The following STAM2 variants were observed in gnomAD, a reference collection of about 807,000 sequenced individuals.
STAM2 encodes signal transducing adapter molecule 2.
STAM2 carries 51 observed loss-of-function variants against 65.6 expected under a neutral mutation model. That is an observed-to-expected ratio of 0.78 (90% confidence interval 0.62 to 0.98). The LOEUF (loss-of-function observed/expected upper bound fraction) is 0.98. STAM2 is among the 50% of genes least tolerant of loss of function. STAM2 has a pLI of 0.00. For synonymous variants in STAM2, 198 were observed against 208.4 expected, an observed-to-expected ratio of 0.95 and a Z score of 0.43; for missense variants, 584 against 617.8, an observed-to-expected ratio of 0.95 and a Z score of 0.58.
Position 152,120,511 on chromosome 2 carries a change from T to G in STAM2, c.*63A>C. Reference sequence around the variant, plus strand: ...GGAAAAAAGTTTTAATATTTTCAGGTTGGTATCACAAGGACTGAATAATAC... The same window carrying G: ...GGAAAAAAGTTTTAATATTTTCAGGGTGGTATCACAAGGACTGAATAATAC... On this transcript the variant is annotated 3_prime_UTR_variant, in exon 14 of 14. Coordinates refer to ENST00000263904, the MANE Select transcript of STAM2 (RefSeq NM_005843.6). 2.1e-6 allele frequency: 3 copies of G among 1,403,000 alleles called. No homozygotes were observed. The Admixed American group carries it at 5.7e-5, about 27-fold the overall frequency. The allele number at this position is 1,403,000 out of a possible 1,614,324, so 86.9% of individuals were successfully genotyped here. A position where few individuals can be genotyped will look rare whatever the true frequency, so the allele number is the denominator to read the frequency against.
chr2:152,170,440 G>A (rs572890076), intron 1 of STAM2, among the ~76,000 whole-genome samples: 16 of 147,932 alleles, frequency 1.1e-4, no homozygotes, highest in East Asian at 2.0e-4. Flanking sequence ...CTGAGATCGC[G>A]CCACTGCACT....
At chr2:152,169,294 G>A (rs1402227413) in intron 1 of STAM2, among the ~76,000 whole-genome samples, 1 of 151,826 alleles carries the variant, frequency 6.6e-6, no homozygotes, top group South Asian at 2.1e-4. Flanking sequence ...GTTTTGTTCG[G>A]GAGACAGGAT....
intron 1 of STAM2, among the ~76,000 whole-genome samples, chr2:152,170,252 C>T (rs1042287620): frequency 1.3e-5 from 2 of 151,110 alleles, no homozygotes; most frequent in African/African-American, 4.9e-5. Context: ...GAGGCCAAGA[C>T]GGGCGGATCA....
At chr2:152,159,547 T>G (rs1689620042) in intron 1 of STAM2, among the ~76,000 whole-genome samples, 1 of 152,170 alleles carries the variant, frequency 6.6e-6, no homozygotes, top group Non-Finnish European at 1.5e-5. Flanking sequence ...ACTATTAAAA[T>G]CATTATATAG....
intron 10 of STAM2, 87 bp downstream of exon 10, chr2:152,133,086 C>A: frequency 3.4e-6 from 2 of 584,926 alleles, no homozygotes. Flanking sequence ...CCTCTAGAGG[C>A]AAATACAAGG....
intron 1 of STAM2, among the ~76,000 whole-genome samples, chr2:152,155,783 T>C (rs1689531321): frequency 1.3e-5 from 2 of 152,322 alleles, no homozygotes; most frequent in Non-Finnish European, 1.5e-5. Flanking sequence ...TTCTTTTCTG[T>C]ATATTATTCC....
chr2:152,117,645 T>C lies in STAM2; in HGVS notation c.*2929A>G, dbSNP rs1033710247. The C allele has an allele frequency of 2.6e-5, 4 of 152,192 alleles. No individual in the cohort carries two copies. The highest frequency in any genetic ancestry group is 1.3e-4 in the Admixed American group (2 of 15,270). 9.4% of individuals were successfully genotyped at this position (152,192 alleles called of 1,614,324 possible). ...AGTGCTATTTATAATTTATTACTTA[T>C]CAAAGTAACTCCAGCTTTCTTATAG... On this transcript the variant is annotated 3_prime_UTR_variant, in exon 14 of 14. Coordinates refer to ENST00000263904, the MANE Select transcript of STAM2 (RefSeq NM_005843.6).
intron 1 of STAM2, among the ~76,000 whole-genome samples, chr2:152,159,094 C>CGTGTATATATATATATATAT (rs1553847538): frequency 9.7e-6 from 1 of 103,054 alleles, no homozygotes; most frequent in African/African-American, 4.5e-5. Context: ...AAAAAAAAAC[C>CGTGTATATATATATATATAT]ATATATATAT....
At chr2:152,175,532 C>A in intron 1 of STAM2, 71 bp downstream of exon 1, 1 of 1,595,082 alleles carries the variant, frequency 6.3e-7, no homozygotes, top group Non-Finnish European at 8.6e-7. Context: ...CGCTACCGCC[C>A]ACTTTCTAGC....
At chr2:152,171,727 G>A (rs537596524) in intron 1 of STAM2, among the ~76,000 whole-genome samples, 4 of 152,302 alleles carry the variant, frequency 2.6e-5, no homozygotes, top group East Asian at 1.9e-4. Context: ...AAACCACTGC[G>A]TCCACAGAGT....
At position 152,148,245 on chromosome 2, in the gene STAM2, C is replaced by T. The variant is rs1448980446; in HGVS notation, c.181G>A (p.Val61Ile). ...MKRVNHKVPH[V>I]ALQALTLLGA... Reference sequence around the variant, plus strand: ...CTCACAGTTAGTGCTTGCAGAGCAACATGTGGAACCTTATGATTTACCCTT... The same window carrying T: ...CTCACAGTTAGTGCTTGCAGAGCAATATGTGGAACCTTATGATTTACCCTT... Residue 61 changes from valine to isoleucine, a missense_variant, in exon 3 of 14, where the codon GTT (valine) becomes ATT (isoleucine). Physicochemically the swap from Val to Ile is conservative, Grantham distance 29 (BLOSUM62 3). Coordinates refer to ENST00000263904, the MANE Select transcript of STAM2 (RefSeq NM_005843.6). 6.2e-7 allele frequency: 1 copy of T among 1,610,602 alleles called. No individual in the cohort carries two copies. Among genetic ancestry groups the T allele is most frequent in the Non-Finnish European group, 8.5e-7 (1 of 1,178,782 alleles).
chr2:152,137,205 C>T (rs1689172372), intron 7 of STAM2, among the ~76,000 whole-genome samples: 1 of 152,040 alleles, frequency 6.6e-6, no homozygotes, highest in African/African-American at 2.4e-5. Flanking sequence ...TTTCATTTTA[C>T]TAGATATTGC....
chr2:152,144,049 T>C, intron 6 of STAM2, 36 bp from the exon 7 acceptor site: 5 of 1,540,604 alleles, frequency 3.2e-6, no homozygotes, highest in Non-Finnish European at 1.8e-6. Flanking sequence ...GAAACTGGAA[T>C]TAATTTTGAT....
At chr2:152,155,042 A>AT (rs979893137) in intron 1 of STAM2, among the ~76,000 whole-genome samples, 14 of 152,116 alleles carry the variant, frequency 9.2e-5, no homozygotes, top group African/African-American at 3.4e-4. Flanking sequence ...GTTTCATAGC[A>AT]TTTTTTTGTT....
chr2:152,138,719 T>C (rs1689197746), intron 7 of STAM2, among the ~76,000 whole-genome samples: 1 of 152,236 alleles, frequency 6.6e-6, no homozygotes. Flanking sequence ...GATGTATTGA[T>C]GTACTGACAG....
chr2:152,151,522 T>A (rs1689445541), intron 1 of STAM2, among the ~76,000 whole-genome samples: 1 of 152,210 alleles, frequency 6.6e-6, no homozygotes, highest in Non-Finnish European at 1.5e-5. Context: ...CTATAATTCA[T>A]GTATCAATAC....
intron 1 of STAM2, among the ~76,000 whole-genome samples, chr2:152,168,185 G>A (rs1335738566): frequency 6.6e-6 from 1 of 151,576 alleles, no homozygotes; most frequent in Non-Finnish European, 1.5e-5. Flanking sequence ...TTTTGAGATG[G>A]AGTCTCGCTC....
intron 1 of STAM2, among the ~76,000 whole-genome samples, chr2:152,163,949 C>T (rs1486504026): frequency 6.6e-6 from 1 of 152,206 alleles, no homozygotes; most frequent in Non-Finnish European, 1.5e-5. Context: ...ATGTGCACAG[C>T]TGAACACAGA....
In STAM2 at chr2:152,120,805, A is replaced by G; in HGVS notation, c.1350-3T>C. 1 of 1,611,794 alleles carries G rather than the reference A, an allele frequency of 6.2e-7. No individual in the cohort carries two copies. The highest frequency in any genetic ancestry group is 8.5e-7 in the Non-Finnish European group (1 of 1,177,962). On this transcript the variant is annotated splice_polypyrimidine_tract_variant and splice_region_variant and intron_variant, in intron 13 of 13. Transcript: ENST00000263904. ...TGGAAACAGTGTCTTGTCCAGTGCT[A>G]CAAACAAAATTTTAAAAAGAAAACC...
Sources: gnomAD v4.1 joint callset for allele counts (sites outside exome capture counted in the v4.1 genomes callset) on GRCh38, gnomAD v4.1.1 for gene constraint, MANE v1.5 for transcripts, NCBI Gene and HGNC (gene_info 2026-07-23, HGNC 2026-07-21) for gene names.